PRKN: variants seen among roughly 807,000 people sequenced by gnomAD.
The protein encoded by PRKN is parkin RBR E3 ubiquitin protein ligase, also known as E3 ubiquitin-protein ligase parkin.
PRKN carries 56 observed loss-of-function variants against 59.5 expected under a neutral mutation model. That is an observed-to-expected ratio of 0.94 (90% confidence interval 0.76 to 1.18). The LOEUF (loss-of-function observed/expected upper bound fraction) is 1.18, where lower values mean the gene tolerates loss of function less well. PRKN is among the 50% of genes most tolerant of loss of function. The pLI, the probability that PRKN is intolerant of heterozygous loss-of-function variation, is 0.00. For synonymous variants in PRKN, 250 were observed against 222.1 expected, an observed-to-expected ratio of 1.13 and a Z score of -1.12; for missense variants, 657 against 596.4, an observed-to-expected ratio of 1.10 and a Z score of -1.06.
intron 6 of PRKN, among the ~76,000 whole-genome samples, chr6:161,794,576 G>T (rs1283399999): frequency 2.6e-5 from 4 of 152,128 alleles, no homozygotes; most frequent in Non-Finnish European, 5.9e-5. Context: ...TAAGGCCTCA[G>T]GTTTTTCTTC....
intron 1 of PRKN, among the ~76,000 whole-genome samples, chr6:162,696,550 CA>C (rs1490999652): frequency 6.9e-6 from 1 of 144,820 alleles, no homozygotes; most frequent in African/African-American, 2.6e-5. Context: ...TGATTTGTGT[CA>C]GGAAAAACTT....
At chr6:162,264,496 C>T (rs1780038667) in intron 2 of PRKN, among the ~76,000 whole-genome samples, 1 of 151,980 alleles carries the variant, frequency 6.6e-6, no homozygotes, top group African/African-American at 2.4e-5. Context: ...CACCAACACC[C>T]CTGACCCCAA....
intron 7 of PRKN, among the ~76,000 whole-genome samples, chr6:161,677,553 C>T (rs527842343): frequency 3.3e-5 from 5 of 152,300 alleles, no homozygotes; most frequent in South Asian, 2.1e-4. Flanking sequence ...ATGAGGTAGA[C>T]GGAGCAAGGG....
At chr6:162,147,825 G>A (rs546117749) in intron 4 of PRKN, among the ~76,000 whole-genome samples, 66 of 152,210 alleles carry the variant, frequency 4.3e-4, no homozygotes, top group African/African-American at 1.5e-3. Flanking sequence ...AGGCATTACA[G>A]GGTTATAATT....
intron 9 of PRKN, among the ~76,000 whole-genome samples, chr6:161,524,066 A>C (rs187643574): frequency 7.2e-4 from 109 of 152,298 alleles, no homozygotes; most frequent in Non-Finnish European, 1.2e-3. Flanking sequence ...ATATTTTTTA[A>C]CATAAAAATC....
chr6:161,996,867 GA>G (rs1781866813), intron 5 of PRKN, among the ~76,000 whole-genome samples: 2 of 151,822 alleles, frequency 1.3e-5, no homozygotes, highest in African/African-American at 4.8e-5. Flanking sequence ...TTAACATGGA[GA>G]AAGCACCTAA....
In PRKN at chr6:162,095,265, C is replaced by T. The variant is rs547812917; in HGVS notation, c.535-41091G>A. On this transcript the variant is annotated intron_variant, in intron 4 of 11. Transcript: ENST00000366898. Reference sequence around the variant, plus strand: ...TATGCCACTACAGAGATAGGTTAGTCCTCACGAGGCCTACACCTCCCCGAC... The same window carrying T: ...TATGCCACTACAGAGATAGGTTAGTTCTCACGAGGCCTACACCTCCCCGAC... 2.6e-5 allele frequency among the ~76,000 whole-genome samples: 4 copies of T among 151,850 alleles called. No individual in the cohort carries two copies. The South Asian group carries it at 8.4e-4, about 32-fold the overall frequency.
intron 1 of PRKN, among the ~76,000 whole-genome samples, chr6:162,677,480 A>C (rs1052355440): frequency 1.7e-4 from 26 of 151,834 alleles, no homozygotes; most frequent in Non-Finnish European, 2.9e-4. Context: ...AAAAAAAAAA[A>C]AAAAAAAACA....
intron 1 of PRKN, among the ~76,000 whole-genome samples, chr6:162,570,518 A>G (rs558731159): frequency 1.3e-5 from 2 of 152,378 alleles, no homozygotes; most frequent in African/African-American, 4.8e-5. Flanking sequence ...CTGCACTCCT[A>G]TGTTTGCTAA....
chr6:162,016,364 C>T lies in PRKN; in HGVS notation c.618+37727G>A, dbSNP rs150315696. ...CACAAAATGTAACTTGCCTTGGAAC[C>T]CCTGCAGACTGCCCCTTGGACAAAA... On this transcript the variant is annotated intron_variant, in intron 5 of 11. Transcript: ENST00000366898. 3.8e-3 allele frequency among the ~76,000 whole-genome samples: 579 copies of T among 152,140 alleles called. 13 individuals are homozygous for T. Among genetic ancestry groups the T allele is most frequent in the Non-Finnish European group, 3.5e-3 (238 of 68,012 alleles).
At chr6:162,256,610 G>C (rs1332952845) in intron 3 of PRKN, among the ~76,000 whole-genome samples, 2 of 152,156 alleles carry the variant, frequency 1.3e-5, no homozygotes, top group Non-Finnish European at 2.9e-5. Context: ...GTCAAGTGCA[G>C]ATCTCCCCAT....
Position 161,459,957 on chromosome 6 carries a change from T to A in PRKN, c.1084-73080A>T, listed in dbSNP as rs1790131008. On this transcript the variant is annotated intron_variant, in intron 9 of 11. Coordinates refer to ENST00000366898, the MANE Select transcript of PRKN (RefSeq NM_004562.3). The surrounding 1 kb of genome is among the most constrained non-coding windows in gnomAD (Gnocchi z 4.8). The stretch of plus-strand genomic sequence containing the variant: ...TGTTGATATTTTGTAAAAAAAAAAA[T>A]CTATTTATCCATCAAATCACATATG... Among the ~76,000 whole-genome samples the A allele has an allele frequency of 6.6e-6, 1 of 151,902 alleles. No individual in the cohort carries two copies. The highest frequency in any genetic ancestry group is 1.5e-5 in the Non-Finnish European group (1 of 68,018).
chr6:162,486,420 C>T (rs957988588), intron 1 of PRKN, among the ~76,000 whole-genome samples: 6 of 152,192 alleles, frequency 3.9e-5, no homozygotes, highest in South Asian at 2.1e-4. Context: ...TACCACACCA[C>T]GTGCATATCA....
intron 1 of PRKN, among the ~76,000 whole-genome samples, chr6:162,444,276 C>G (rs1790201241): frequency 6.6e-6 from 1 of 152,050 alleles, no homozygotes; most frequent in South Asian, 2.1e-4. Flanking sequence ...CAACTGGAGT[C>G]TTGATCCACG....
At chr6:161,953,330 T>C (rs1784598) in intron 6 of PRKN, among the ~76,000 whole-genome samples, 51,729 of 152,030 alleles carry the variant, frequency 0.34, 9,083 homozygotes, top group Non-Finnish European at 0.38. Context: ...AGGCTGATTT[T>C]GAACTCCTGA....
intron 6 of PRKN, among the ~76,000 whole-genome samples, chr6:161,883,574 A>C (rs1393624963): frequency 6.6e-6 from 1 of 152,126 alleles, no homozygotes; most frequent in East Asian, 1.9e-4. Flanking sequence ...ACCTATATCT[A>C]CCTGTGAGTA....
At chr6:162,206,093 C>G (rs770582690) in intron 3 of PRKN, among the ~76,000 whole-genome samples, 1 of 152,074 alleles carries the variant, frequency 6.6e-6, no homozygotes, top group Non-Finnish European at 1.5e-5. Flanking sequence ...GGGGGGACTT[C>G]CGTAGTGCTA....
intron 3 of PRKN, among the ~76,000 whole-genome samples, chr6:162,240,146 G>A (rs1778923114): frequency 6.6e-6 from 1 of 152,168 alleles, no homozygotes. Context: ...AAGCCATTAA[G>A]GTTTGTTTCA....
At chr6:162,563,230 G>A (rs1343973325) in intron 1 of PRKN, among the ~76,000 whole-genome samples, 3 of 152,074 alleles carry the variant, frequency 2.0e-5, no homozygotes, top group Non-Finnish European at 4.4e-5. Flanking sequence ...CGTGAACCCA[G>A]GAGGCGGAGC....
Sources: gnomAD v4.1 joint callset for allele counts (sites outside exome capture counted in the v4.1 genomes callset) on GRCh38, gnomAD v4.1.1 for gene constraint, Gnocchi (gnomAD v3.1) non-coding constraint, MANE v1.5 for transcripts, NCBI Gene and HGNC (gene_info 2026-07-23, HGNC 2026-07-21) for gene names.